Variants in EHHADH observed in about 807,000 individuals in gnomAD.
EHHADH encodes the protein peroxisomal bifunctional enzyme.
Under a neutral mutation model 64.4 loss-of-function variants are expected in EHHADH, and 48 were observed. The ratio of observed to expected loss-of-function variants is 0.75; its 90% CI spans 0.59 to 0.95. EHHADH has a LOEUF of 0.95. Among genes scored for constraint, EHHADH ranks in the 40% least tolerant of loss-of-function variants. The pLI is 0.00. For missense variants in EHHADH, 854 were observed against 876.6 expected, an observed-to-expected ratio of 0.97 and a Z score of 0.33; for synonymous variants, 308 against 326.7, an observed-to-expected ratio of 0.94 and a Z score of 0.62.
chr3:185,212,694 A>G (rs1718574451), intron 5 of EHHADH, among the ~76,000 whole-genome samples: 1 of 152,152 alleles, frequency 6.6e-6, no homozygotes, highest in African/African-American at 2.4e-5. Context: ...ACAGAGACAG[A>G]CTTTGCATAC....
At chr3:185,198,705 C>T (rs184068072) in intron 6 of EHHADH, among the ~76,000 whole-genome samples, 392 of 151,990 alleles carry the variant, frequency 2.6e-3, no homozygotes, top group African/African-American at 9.2e-3. Context: ...AAAAATTAGC[C>T]GGGCATAGTG....
At chr3:185,245,395 C>T (rs1560022420) in intron 2 of EHHADH, 1 of 541,756 alleles carries the variant, frequency 1.8e-6, no homozygotes, top group Admixed American at 3.8e-5. Context: ...GGTATATCCA[C>T]TCTGATGGCA....
chr3:185,222,685 A>G (rs1321414641), intron 4 of EHHADH, among the ~76,000 whole-genome samples: 20 of 152,202 alleles, frequency 1.3e-4, no homozygotes, highest in Admixed American at 1.3e-3. Flanking sequence ...CATTTGTGAG[A>G]AAGGCAAGTA....
intron 1 of EHHADH, 128 bp downstream of exon 1, chr3:185,253,817 GGCAT>G (rs762423303): frequency 5.7e-6 from 8 of 1,406,672 alleles, no homozygotes; most frequent in East Asian, 5.5e-5. Context: ...AAAAGTTCCT[GGCAT>G]GTACCAGTTG....
At chr3:185,208,116 C>T (rs936741541) in intron 5 of EHHADH, among the ~76,000 whole-genome samples, 2 of 152,214 alleles carry the variant, frequency 1.3e-5, no homozygotes, top group Non-Finnish European at 2.9e-5. Context: ...CTTTCTTGCC[C>T]TCTCAAATTG....
intron 1 of EHHADH, among the ~76,000 whole-genome samples, chr3:185,250,164 A>G (rs1289486534): frequency 6.6e-6 from 1 of 152,246 alleles, no homozygotes; most frequent in Non-Finnish European, 1.5e-5. Flanking sequence ...TGTCAGTGAC[A>G]GCCAAGCGTA....
intron 4 of EHHADH, among the ~76,000 whole-genome samples, chr3:185,228,443 C>T (rs955896461): frequency 3.0e-4 from 45 of 151,362 alleles, no homozygotes; most frequent in Non-Finnish European, 2.5e-4. Flanking sequence ...TTTTGGGAGG[C>T]CAAGGCAGGT....
rs762593059 is a variant in EHHADH at position 185,229,546 on chromosome 3, A to G, written c.352-3T>C. The G allele has an allele frequency of 2.0e-5, 31 of 1,551,590 alleles. No individual in the cohort carries two copies. The highest frequency in any genetic ancestry group is 2.7e-5 in the Non-Finnish European group (31 of 1,144,166). ...ACTTCTGGTAAGCCAACTTGAGCCT[A>G]TCAAAGATTGAAGGCATAAAGGCCA... On this transcript the variant is annotated splice_region_variant and splice_polypyrimidine_tract_variant and intron_variant, in intron 3 of 6. Coordinates refer to ENST00000231887, the MANE Select transcript of EHHADH (RefSeq NM_001966.4).
intron 2 of EHHADH, among the ~76,000 whole-genome samples, chr3:185,236,631 C>T (rs866573246): frequency 1.3e-5 from 2 of 151,724 alleles, no homozygotes; most frequent in African/African-American, 4.8e-5. Flanking sequence ...ATCTTTTTTT[C>T]CCTTTTTGCT....
intron 2 of EHHADH, among the ~76,000 whole-genome samples, chr3:185,238,025 T>C (rs1468086552): frequency 1.3e-5 from 2 of 152,212 alleles, no homozygotes; most frequent in Non-Finnish European, 1.5e-5. Context: ...CTCCCACTTA[T>C]AAGTGAGAAT....
chr3:185,194,598 T>C (rs1459126202), intron 6 of EHHADH, among the ~76,000 whole-genome samples: 1 of 145,530 alleles, frequency 6.9e-6, no homozygotes, highest in Non-Finnish European at 1.5e-5. Context: ...GGCAACAAGA[T>C]TGAAACTCTG....
rs569742744 is a variant in EHHADH, at chr3:185,198,970, G to C, written c.910+5446C>G. On this transcript the variant is annotated intron_variant, in intron 6 of 6. Transcript: ENST00000231887. The stretch of plus-strand genomic sequence containing the variant: ...CATGAAGAGCATCAACCTTCAGGGA[G>C]CTTCTGATTTAGCGGTGGAAAGAGG... 2.6e-4 allele frequency among the ~76,000 whole-genome samples: 39 copies of C among 152,216 alleles called. No individual in the cohort carries two copies. The South Asian group carries it at 7.9e-3, about 31-fold the overall frequency.
At position 185,193,343 on chromosome 3, in the gene EHHADH, T is replaced by G; in HGVS notation, c.1055A>C (p.Gln352Pro). The stretch of plus-strand genomic sequence containing the variant: ...TCCTGACCAAGGGTGGCCGCTCTGT[T>G]GCATTTTGGAGGCTTCTTTTTCCAA... ...SVLEKEASKM[Q>P]QSGHPWSGPK... The change falls in exon 7 of 7, where the codon CAA becomes CCA. Residue 352 changes from glutamine to proline, a missense_variant. By Grantham distance (76) the Gln-to-Pro change is moderately conservative. Transcript: ENST00000231887. 1 of 1,614,016 alleles carries G rather than the reference T, an allele frequency of 6.2e-7. No homozygotes were observed. Among genetic ancestry groups the G allele is most frequent in the Non-Finnish European group, 8.5e-7 (1 of 1,179,976 alleles).
chr3:185,226,356 T>G (rs749986481), intron 4 of EHHADH, among the ~76,000 whole-genome samples: 3 of 152,152 alleles, frequency 2.0e-5, no homozygotes, highest in Non-Finnish European at 4.4e-5. Flanking sequence ...ATCTTGAAAG[T>G]AGATCCTCCA....
rs1438199003 is a variant in EHHADH at position 185,216,779 on chromosome 3, C to T, written c.568+1357G>A. 6.6e-6 allele frequency among the ~76,000 whole-genome samples: 1 copy of T among 152,228 alleles called. No individual in the cohort carries two copies. Among genetic ancestry groups the T allele is most frequent in the African/African-American group, 2.4e-5 (1 of 41,460 alleles). On this transcript the variant is annotated intron_variant, in intron 5 of 6. Coordinates refer to ENST00000231887, the MANE Select transcript of EHHADH (RefSeq NM_001966.4). This position sits in a 1 kb window ranked among gnomAD's most constrained non-coding sequence, Gnocchi z 5.3. ...AATGACACTGGGCCATTGCCTGCCA[C>T]CAAGCGGGAGACCAGCACTCTGTTC...
chr3:185,203,253 A>G (rs1313036618), intron 6 of EHHADH, among the ~76,000 whole-genome samples: 2 of 152,120 alleles, frequency 1.3e-5, no homozygotes, highest in Non-Finnish European at 2.9e-5. Context: ...CAGAAAAGAG[A>G]GAGGGAAATA....
In EHHADH at chr3:185,217,760, ATTTTCT is replaced by A. The variant is rs1401890922; in HGVS notation, c.568+370_568+375del. On this transcript the variant is annotated intron_variant, in intron 5 of 6. Coordinates refer to ENST00000231887, the MANE Select transcript of EHHADH (RefSeq NM_001966.4). The stretch of plus-strand genomic sequence containing the variant: ...TCTTTATAAATTACCCAGCCTCAGG[ATTTTCT>A]TTTTTTTTTTTTTCTCGAGACGGAG... Among the ~76,000 whole-genome samples the A allele has an allele frequency of 1.9e-3, 274 of 146,118 alleles. 2 individuals are homozygous for A. The highest frequency in any genetic ancestry group is 5.7e-3 in the East Asian group (28 of 4,878).
intron 4 of EHHADH, chr3:185,226,829 A>G (rs1356555930): frequency 6.6e-6 from 1 of 152,216 alleles, no homozygotes; most frequent in Non-Finnish European, 1.5e-5. Flanking sequence ...ATGACTTACA[A>G]TGAATCTGAG....
At chr3:185,239,782 G>T (rs1277888278) in intron 2 of EHHADH, among the ~76,000 whole-genome samples, 1 of 151,082 alleles carries the variant, frequency 6.6e-6, no homozygotes, top group Non-Finnish European at 1.5e-5. Context: ...TCTTTCTGTT[G>T]CCTGATTGCT....
Sources: gnomAD v4.1 joint callset for allele counts (sites outside exome capture counted in the v4.1 genomes callset) on GRCh38, gnomAD v4.1.1 for gene constraint, Gnocchi (gnomAD v3.1) non-coding constraint, MANE v1.5 for transcripts, NCBI Gene and HGNC (gene_info 2026-07-23, HGNC 2026-07-21) for gene names.